Variants in SLC25A33 observed in about 807,000 individuals in gnomAD.
The protein encoded by SLC25A33 is solute carrier family 25 member 33.
In SLC25A33, 15 loss-of-function variants were observed where a neutral mutation model predicts 35.5. That is an observed-to-expected ratio of 0.42 (90% confidence interval 0.28 to 0.65). The LOEUF (loss-of-function observed/expected upper bound fraction) is 0.65. SLC25A33 is among the 30% of genes least tolerant of loss of function. The pLI, the probability that SLC25A33 is intolerant of heterozygous loss-of-function variation, is 0.20. For missense variants in SLC25A33, 257 were observed against 398.5 expected (o/e 0.64, Z 3.02); for synonymous variants, 136 against 148.7 (o/e 0.91, Z 0.62).
rs1366751079 is a variant in SLC25A33 at position 9,583,246 on chromosome 1, G to A, written c.*745G>A. 2.0e-5 allele frequency: 3 copies of A among 152,050 alleles called. No homozygotes were observed. Among genetic ancestry groups the A allele is most frequent in the Non-Finnish European group, 2.9e-5 (2 of 68,028 alleles). 9.4% of individuals were successfully genotyped at this position (152,050 alleles called of 1,614,324 possible). On this transcript the variant is annotated 3_prime_UTR_variant, in exon 7 of 7. Transcript: ENST00000302692. ...AAAAAAAAAATTGTGTCACATTTTG[G>A]TGGTGGTGTGTGGACCAGGACAAAC...
intron 6 of SLC25A33, among the ~76,000 whole-genome samples, 162 bp downstream of exon 6, chr1:9,580,396 G>A (rs1421081374): frequency 1.3e-5 from 2 of 152,234 alleles, no homozygotes; most frequent in African/African-American, 4.8e-5. Flanking sequence ...CAGAGGTCAC[G>A]TGAGTGGTGG....
intron 2 of SLC25A33, among the ~76,000 whole-genome samples, chr1:9,560,607 G>A (rs867461665): frequency 2.6e-5 from 4 of 152,186 alleles, no homozygotes; most frequent in Middle Eastern, 3.4e-3. Context: ...CTCATTTGGG[G>A]AATACTACTT....
chr1:9,572,944 T>C (rs1330300210), intron 4 of SLC25A33, among the ~76,000 whole-genome samples: 2 of 151,598 alleles, frequency 1.3e-5, no homozygotes, highest in African/African-American at 2.4e-5. Context: ...GGAGAAGGCA[T>C]ACTCACCAAA....
At chr1:9,551,882 A>G (rs1038582252) in intron 1 of SLC25A33, among the ~76,000 whole-genome samples, 3 of 152,172 alleles carry the variant, frequency 2.0e-5, no homozygotes, top group African/African-American at 7.2e-5. Context: ...TGTTTTCCAG[A>G]GTGAGGCCTG....
chr1:9,579,259 C>T (rs561538919), intron 5 of SLC25A33, among the ~76,000 whole-genome samples: 26 of 152,288 alleles, frequency 1.7e-4, no homozygotes, highest in Non-Finnish European at 3.2e-4. Flanking sequence ...CATTCACTTC[C>T]GACACTGTCT....
At chr1:9,568,989 T>C (rs1377399120) in intron 3 of SLC25A33, among the ~76,000 whole-genome samples, 1 of 152,268 alleles carries the variant, frequency 6.6e-6, no homozygotes, top group East Asian at 1.9e-4. Flanking sequence ...CCCACACCTA[T>C]AATCCCTGCA....
At chr1:9,555,554 C>T (rs1348246652) in intron 2 of SLC25A33, among the ~76,000 whole-genome samples, 1 of 152,154 alleles carries the variant, frequency 6.6e-6, no homozygotes, top group African/African-American at 2.4e-5. Flanking sequence ...TGCAAAGGTA[C>T]ATCTGAGCTT....
rs1643781838 is a variant in SLC25A33 at position 9,584,411 on chromosome 1, G to A, written c.*1910G>A. The A allele has an allele frequency of 6.6e-6, 1 of 152,094 alleles. No homozygotes were observed. Among genetic ancestry groups the A allele is most frequent in the South Asian group, 2.1e-4 (1 of 4,828 alleles). 9.4% of individuals were successfully genotyped at this position (152,094 alleles called of 1,614,324 possible). A position where few individuals can be genotyped will look rare whatever the true frequency, so the allele number is the denominator to read the frequency against. On this transcript the variant is annotated 3_prime_UTR_variant, in exon 7 of 7. Coordinates refer to ENST00000302692, the MANE Select transcript of SLC25A33 (RefSeq NM_032315.3). ...TATTCCAGAAGTTTTGTTTTGTTTT[G>A]TTTTGAGATGGAGTCTCGCTCTGTC...
At chr1:9,546,741 CCGGCTTGCTTATG>C (rs1643177333) in intron 1 of SLC25A33, among the ~76,000 whole-genome samples, 2 of 152,122 alleles carry the variant, frequency 1.3e-5, no homozygotes, top group African/African-American at 4.8e-5. Flanking sequence ...CAACTTCAAA[CCGGCTTGCTTATG>C]GGTACAAAAA....
intron 1 of SLC25A33, among the ~76,000 whole-genome samples, chr1:9,553,230 G>GTTTGTTTTTT (rs1643294302): frequency 1.1e-5 from 1 of 91,214 alleles, no homozygotes; most frequent in Non-Finnish European, 2.0e-5. Context: ...TTTTTTTTGG[G>GTTTGTTTTTT]TTTTTTTTTT....
chr1:9,564,219 G>C (rs1224576121), intron 2 of SLC25A33, among the ~76,000 whole-genome samples: 3 of 152,130 alleles, frequency 2.0e-5, no homozygotes. Flanking sequence ...ATCCTTTCAG[G>C]ATTTTCTAAG....
intron 2 of SLC25A33, among the ~76,000 whole-genome samples, chr1:9,554,395 C>T (rs945628414): frequency 6.6e-6 from 1 of 152,008 alleles, no homozygotes; most frequent in Admixed American, 6.6e-5. Flanking sequence ...GTTTTGCTCT[C>T]GTTGCCCAAA....
At chr1:9,546,808 TGAGCAGTGCATCAGTG>T (rs1643178583) in intron 1 of SLC25A33, among the ~76,000 whole-genome samples, 1 of 152,150 alleles carries the variant, frequency 6.6e-6, no homozygotes, top group Admixed American at 6.6e-5. Flanking sequence ...AGGGCTTAGC[TGAGCAGTGCATCAGTG>T]TCACCAGGAG....
At chr1:9,571,403 C>T (rs1643589248) in intron 4 of SLC25A33, among the ~76,000 whole-genome samples, 1 of 150,840 alleles carries the variant, frequency 6.6e-6, no homozygotes. Context: ...AAGGGATTCT[C>T]CTGTCTCAGC....
At chr1:9,576,481 A>C in intron 5 of SLC25A33, 1 of 464,222 alleles carries the variant, frequency 2.2e-6, no homozygotes, top group South Asian at 1.6e-5. Context: ...TGTCAACATT[A>C]CCCTGAAGAG....
chr1:9,572,382 C>T (rs1162545007), intron 4 of SLC25A33, among the ~76,000 whole-genome samples: 2 of 151,876 alleles, frequency 1.3e-5, no homozygotes, highest in African/African-American at 2.4e-5. Flanking sequence ...GAGGCCGAGG[C>T]GAGCGGATCA....
At chr1:9,571,978 C>T (rs1055803289) in intron 4 of SLC25A33, among the ~76,000 whole-genome samples, 2 of 152,140 alleles carry the variant, frequency 1.3e-5, no homozygotes, top group East Asian at 1.9e-4. Flanking sequence ...TGGCATTTTA[C>T]GAAAAATTTG....
chr1:9,549,921 C>CATAT (rs56191912), intron 1 of SLC25A33, among the ~76,000 whole-genome samples: 72 of 135,936 alleles, frequency 5.3e-4, no homozygotes, highest in Non-Finnish European at 1.0e-3. Flanking sequence ...CCACGCCCAA[C>CATAT]ATATATATAT....
chr1:9,548,539 G>A (rs1444152091), intron 1 of SLC25A33, among the ~76,000 whole-genome samples: 4 of 152,168 alleles, frequency 2.6e-5, no homozygotes, highest in African/African-American at 9.7e-5. Flanking sequence ...CCGAGATCAC[G>A]CTGCTGCACT....
Sources: gnomAD v4.1 joint callset for allele counts (sites outside exome capture counted in the v4.1 genomes callset) on GRCh38, gnomAD v4.1.1 for gene constraint, MANE v1.5 for transcripts, NCBI Gene and HGNC (gene_info 2026-07-23, HGNC 2026-07-21) for gene names.